ARHGEF12: variants seen among roughly 807,000 people sequenced by gnomAD.
ARHGEF12 encodes the protein Rho guanine nucleotide exchange factor 12.
In ARHGEF12, 66 loss-of-function variants were observed where a neutral mutation model predicts 211.2. The observed-to-expected ratio is 0.31, with a 90% CI of 0.26 to 0.38. The LOEUF is 0.38. ARHGEF12 is among the 10% of genes least tolerant of loss of function. The probability of loss-of-function intolerance (pLI) is 1.00; values close to 1 mark genes in which losing one functional copy is unlikely to be tolerated. For missense variants in ARHGEF12, 1,429 were observed against 1,869.5 expected (o/e 0.76, Z 4.34); for synonymous variants, 592 against 638.4 (o/e 0.93, Z 1.09).
intron 11 of ARHGEF12, 69 bp downstream of exon 11, chr11:120,431,980 T>G: frequency 7.0e-7 from 1 of 1,431,528 alleles, no homozygotes; most frequent in Non-Finnish European, 9.3e-7. Flanking sequence ...TAGATTTGAT[T>G]TTAAGTGATG....
rs765400920 is a variant in ARHGEF12, at chr11:120,477,439, C to G, written c.3453-8C>G. ...TAAAAGTTTTTTTTTTTTTTTTTTT[C>G]TCTACAGAGGAGATAATGATGAAGA... On this transcript the variant is annotated splice_polypyrimidine_tract_variant and splice_region_variant and intron_variant, in intron 35 of 40. Transcript: ENST00000397843. 11 of 567,444 alleles carry G rather than the reference C, an allele frequency of 1.9e-5. No individual in the cohort carries two copies. The highest frequency in any genetic ancestry group is 2.3e-5 in the Non-Finnish European group (9 of 396,900). 35.2% of individuals were successfully genotyped at this position (567,444 alleles called of 1,614,324 possible). A position where few individuals can be genotyped will look rare whatever the true frequency, so the allele number is the denominator to read the frequency against.
intron 1 of ARHGEF12, among the ~76,000 whole-genome samples, chr11:120,340,554 A>G (rs1220343289): frequency 6.6e-6 from 1 of 152,102 alleles, no homozygotes; most frequent in Non-Finnish European, 1.5e-5. Flanking sequence ...AATTAATGAT[A>G]CTTTTCATTA....
chr11:120,461,923 G>C (rs1441146596), intron 27 of ARHGEF12, among the ~76,000 whole-genome samples: 1 of 152,118 alleles, frequency 6.6e-6, no homozygotes, highest in East Asian at 1.9e-4. Context: ...TTAGGGGCTT[G>C]CTTTGTATTA....
intron 30 of ARHGEF12, among the ~76,000 whole-genome samples, chr11:120,470,121 C>G (rs1946826145): frequency 6.6e-6 from 1 of 152,194 alleles, no homozygotes; most frequent in South Asian, 2.1e-4. Context: ...CCCTAGAGAT[C>G]AGGTTAAAGA....
chr11:120,474,699 C>T, intron 32 of ARHGEF12, 64 bp downstream of exon 32: 1 of 1,320,328 alleles, frequency 7.6e-7, no homozygotes, highest in Non-Finnish European at 1.1e-6. Context: ...AGGAAAGTTT[C>T]CTATGACAAA....
chr11:120,382,721 A>G (rs1360066100), intron 1 of ARHGEF12, among the ~76,000 whole-genome samples: 4 of 152,092 alleles, frequency 2.6e-5, no homozygotes, highest in Non-Finnish European at 5.9e-5. Flanking sequence ...ACATTTCCTT[A>G]AAGTTGAGCA....
chr11:120,368,375 T>C (rs1943490295), intron 1 of ARHGEF12, among the ~76,000 whole-genome samples: 1 of 152,148 alleles, frequency 6.6e-6, no homozygotes, highest in Non-Finnish European at 1.5e-5. Flanking sequence ...ACTCCAGGCC[T>C]CAAGAGATCC....
chr11:120,383,532 A>G (rs1275495901), intron 1 of ARHGEF12, among the ~76,000 whole-genome samples: 1 of 152,172 alleles, frequency 6.6e-6, no homozygotes, highest in African/African-American at 2.4e-5. Flanking sequence ...GTGATGGGAA[A>G]CAATGACAGA....
At chr11:120,424,917 G>T (rs1945293074) in intron 7 of ARHGEF12, among the ~76,000 whole-genome samples, 1 of 152,124 alleles carries the variant, frequency 6.6e-6, no homozygotes. Context: ...ATAAGTAAAT[G>T]ATTATATAAT....
intron 1 of ARHGEF12, among the ~76,000 whole-genome samples, chr11:120,405,228 A>T (rs1450484784): frequency 6.6e-6 from 1 of 152,158 alleles, no homozygotes; most frequent in Non-Finnish European, 1.5e-5. Flanking sequence ...GATGTTCTTA[A>T]TAAAGTACGG....
At chr11:120,388,373 A>G (rs1170750355) in intron 1 of ARHGEF12, among the ~76,000 whole-genome samples, 2 of 152,236 alleles carry the variant, frequency 1.3e-5, no homozygotes, top group East Asian at 3.9e-4. Context: ...TCAGCTGTTG[A>G]TGGGCATTTG....
At chr11:120,421,768 T>C (rs76693355) in intron 5 of ARHGEF12, 35 bp from the exon 6 acceptor site, 184,660 of 1,592,102 alleles carry the variant, frequency 0.12, 12,014 homozygotes, top group South Asian at 0.2. Context: ...TAAATGCAAA[T>C]GAATCACATT....
intron 1 of ARHGEF12, among the ~76,000 whole-genome samples, chr11:120,388,355 TTATC>T (rs753905383): frequency 6.6e-6 from 1 of 152,248 alleles, no homozygotes; most frequent in African/African-American, 2.4e-5. Context: ...ATACCACAGT[TTATC>T]CATTCAGCTG....
At chr11:120,371,619 A>G (rs893335970) in intron 1 of ARHGEF12, among the ~76,000 whole-genome samples, 2 of 152,242 alleles carry the variant, frequency 1.3e-5, no homozygotes, top group African/African-American at 4.8e-5. Flanking sequence ...GCACGTAAAC[A>G]TACACTCACC....
Position 120,428,134 on chromosome 11 carries a change from G to A in ARHGEF12, c.472G>A (p.Asp158Asn), listed in dbSNP as rs373614219. Reference sequence around the variant, plus strand: ...TGGGTCGCCCCAGATTCCACTTGCCGACTCTGAAGTAGAGCCGTCAGTCAT... The same window carrying A: ...TGGGTCGCCCCAGATTCCACTTGCCAACTCTGAAGTAGAGCCGTCAGTCAT... ...PPGSPQIPLA[D>N]SEVEPSVIGH... The change falls in exon 8 of 41, where the codon GAC becomes AAC. Residue 158 changes from aspartate (D) to asparagine (N), a missense_variant. Coordinates refer to ENST00000397843, the MANE Select transcript of ARHGEF12 (RefSeq NM_015313.3). The A allele has an allele frequency of 4.4e-6, 7 of 1,608,884 alleles. No individual in the cohort carries two copies. Among genetic ancestry groups the A allele is most frequent in the South Asian group, 1.1e-5 (1 of 89,420 alleles).
At chr11:120,412,663 A>C (rs1324953339) in intron 4 of ARHGEF12, among the ~76,000 whole-genome samples, 1 of 151,978 alleles carries the variant, frequency 6.6e-6, no homozygotes, top group African/African-American at 2.4e-5. Context: ...TTCTGTCCCC[A>C]ATCTTTCTTC....
At chr11:120,444,312 T>G (rs1245250034) in intron 15 of ARHGEF12, among the ~76,000 whole-genome samples, 1 of 151,884 alleles carries the variant, frequency 6.6e-6, no homozygotes, top group African/African-American at 2.4e-5. Context: ...CTTTACATTT[T>G]GCTACACATG....
chr11:120,360,692 C>T (rs1943253979), intron 1 of ARHGEF12, among the ~76,000 whole-genome samples: 1 of 152,052 alleles, frequency 6.6e-6, no homozygotes, highest in Non-Finnish European at 1.5e-5. Flanking sequence ...CATGCCTGGC[C>T]AGTAATATTA....
At chr11:120,456,096 A>G (rs1043338690) in intron 22 of ARHGEF12, among the ~76,000 whole-genome samples, 2 of 152,246 alleles carry the variant, frequency 1.3e-5, no homozygotes, top group African/African-American at 4.8e-5. Context: ...AGACGACAGT[A>G]TATATATGTC....
Sources: gnomAD v4.1 joint callset for allele counts (sites outside exome capture counted in the v4.1 genomes callset) on GRCh38, gnomAD v4.1.1 for gene constraint, MANE v1.5 for transcripts, NCBI Gene and HGNC (gene_info 2026-07-23, HGNC 2026-07-21) for gene names.